COL27A1: variants seen among roughly 807,000 people sequenced by gnomAD.
COL27A1 encodes the protein collagen type XXVII alpha 1 chain, also known as collagen alpha-1(XXVII) chain.
A neutral mutation model predicts 251.3 loss-of-function variants in COL27A1; 106 were observed. That is an observed-to-expected ratio of 0.42 (90% confidence interval 0.36 to 0.50). The LOEUF is 0.50. Ranked by LOEUF, COL27A1 falls within the 20% of genes least tolerant of loss-of-function variation. The probability of loss-of-function intolerance (pLI) is 0.00; values close to 1 mark genes in which losing one functional copy is unlikely to be tolerated. For missense variants in COL27A1, 2,325 were observed against 2,522.8 expected (o/e 0.92, Z 1.68); for synonymous variants, 1,000 against 986.3 (o/e 1.01, Z -0.26).
intron 36 of COL27A1, chr9:114,272,639 C>T (rs752376894): frequency 3.3e-5 from 5 of 152,160 alleles, no homozygotes; most frequent in African/African-American, 4.8e-5. Context: ...TGGTGGTGAC[C>T]AATAATAGTT....
Position 114,225,702 on chromosome 9 carries a change from T to C in COL27A1, c.2466+3435T>C, listed in dbSNP as rs1283670743. Among the ~76,000 whole-genome samples, 4 of 152,252 alleles carry C rather than the reference T, an allele frequency of 2.6e-5. No individual in the cohort carries two copies. In the East Asian group the frequency reaches 7.7e-4, roughly 29 times the overall value. ...TTTAGCTGAGCAAATGGGAATTCCA[T>C]GTATTGATAATCATTTTAGTGGAAA... On this transcript the variant is annotated intron_variant, in intron 14 of 60. Coordinates refer to ENST00000356083, the MANE Select transcript of COL27A1 (RefSeq NM_032888.4).
At chr9:114,300,963 G>C in intron 51 of COL27A1, 109 bp from the exon 52 acceptor site, 1 of 1,095,708 alleles carries the variant, frequency 9.1e-7, no homozygotes, top group Non-Finnish European at 1.3e-6. Flanking sequence ...CGCTTCAGAT[G>C]GTCTCCCTTC....
intron 24 of COL27A1, among the ~76,000 whole-genome samples, chr9:114,248,230 T>G (rs1833279818): frequency 6.6e-6 from 1 of 152,202 alleles, no homozygotes; most frequent in African/African-American, 2.4e-5. Flanking sequence ...TGCCAGGCCC[T>G]GGCCGAGGTG....
chr9:114,301,704 G>A lies in COL27A1; in HGVS notation c.4832G>A (p.Arg1611Gln), dbSNP rs565852420. The change falls in exon 55 of 61, where the codon CGG becomes CAG. Residue 1611 changes from arginine (R) to glutamine (Q), a missense_variant. Physicochemically the swap from Arg to Gln is conservative, Grantham distance 43. Transcript: ENST00000356083. The part of the protein sequence containing the change: ...GPRGPPGPRG[R>Q]PGPPGPPGGP... ...CAGGGTCCTCCCGGCCCCAGAGGGC[G>A]GCCCGGCCCCCCGGTAGGTAACTGA... 1.1e-5 allele frequency: 18 copies of A among 1,611,986 alleles called. No individual in the cohort carries two copies. The highest frequency in any genetic ancestry group is 5.5e-5 in the South Asian group (5 of 90,858).
At chr9:114,265,281 C>T in intron 31 of COL27A1, 141 bp from the exon 32 acceptor site, 2 of 1,095,010 alleles carry the variant, frequency 1.8e-6, no homozygotes, top group Admixed American at 2.1e-5. Flanking sequence ...CACATCCTCT[C>T]TTCTCTGGGT....
intron 56 of COL27A1, 67 bp from the exon 57 acceptor site, chr9:114,304,541 C>A (rs761309808): frequency 1.4e-6 from 2 of 1,458,850 alleles, no homozygotes; most frequent in Admixed American, 3.3e-5. Context: ...GGCCCTGGGG[C>A]TCCCACTTGA....
chr9:114,306,355 C>A, intron 57 of COL27A1, 165 bp from the exon 58 acceptor site: 1 of 635,362 alleles, frequency 1.6e-6, no homozygotes, highest in Non-Finnish European at 2.7e-6. Context: ...TTGTCCCTGG[C>A]CCGTTTTCTT....
intron 5 of COL27A1, among the ~76,000 whole-genome samples, chr9:114,188,265 T>C (rs1052005637): frequency 3.3e-5 from 5 of 152,198 alleles, no homozygotes; most frequent in Non-Finnish European, 7.3e-5. Context: ...AACTTCCAGG[T>C]CATCAGGTCA....
Position 114,300,023 on chromosome 9 carries a change from G to A in COL27A1, c.4585-47G>A, listed in dbSNP as rs183940259. ...AGGTCCCAGGTGGCTGGCGGGACACGCTGACCATGAGCTCACTCGCTCCAT... is the reference window on the plus strand; with the variant it reads ...AGGTCCCAGGTGGCTGGCGGGACACACTGACCATGAGCTCACTCGCTCCAT... On this transcript the variant is annotated intron_variant, in intron 49 of 60. Coordinates refer to ENST00000356083, the MANE Select transcript of COL27A1 (RefSeq NM_032888.4). 1.1e-4 allele frequency: 173 copies of A among 1,603,230 alleles called. 1 individual carries two copies. The African/African-American group carries it at 2.0e-3, about 18-fold the overall frequency.
chr9:114,263,673 A>G (rs976545010), intron 28 of COL27A1, among the ~76,000 whole-genome samples: 5 of 151,868 alleles, frequency 3.3e-5, no homozygotes, highest in African/African-American at 7.3e-5. Flanking sequence ...GGTGGACTCC[A>G]CCTGCCCCTG....
chr9:114,309,993 G>A (rs540303815), intron 60 of COL27A1, among the ~76,000 whole-genome samples: 1 of 152,288 alleles, frequency 6.6e-6, no homozygotes, highest in African/African-American at 2.4e-5. Flanking sequence ...AAATAAATTG[G>A]TAGAGGCTTT....
chr9:114,233,973 G>T (rs1389684286), intron 16 of COL27A1, among the ~76,000 whole-genome samples: 1 of 151,940 alleles, frequency 6.6e-6, no homozygotes, highest in African/African-American at 2.4e-5. Flanking sequence ...ATCCCTTCAC[G>T]TTCCAAGGTT....
At chr9:114,241,062 A>C (rs1832721938) in intron 21 of COL27A1, among the ~76,000 whole-genome samples, 1 of 152,206 alleles carries the variant, frequency 6.6e-6, no homozygotes, top group Non-Finnish European at 1.5e-5. Flanking sequence ...AATGACTTGC[A>C]CAATTAGTTA....
chr9:114,267,735 C>G (rs1326137744), intron 34 of COL27A1, among the ~76,000 whole-genome samples, 178 bp downstream of exon 34: 1 of 152,174 alleles, frequency 6.6e-6, no homozygotes, highest in Non-Finnish European at 1.5e-5. Flanking sequence ...GAGCCCCCAC[C>G]AGTGCCCTCT....
At position 114,231,145 on chromosome 9, in the gene COL27A1, T is replaced by A. The variant is rs974885341; in HGVS notation, c.2520+13T>A. 9 of 1,613,112 alleles carry A rather than the reference T, an allele frequency of 5.6e-6. No homozygotes were observed. Among genetic ancestry groups the A allele is most frequent in the South Asian group, 1.1e-5 (1 of 90,718 alleles). On this transcript the variant is annotated intron_variant, in intron 15 of 60. Coordinates refer to ENST00000356083, the MANE Select transcript of COL27A1 (RefSeq NM_032888.4). Reference sequence around the variant, plus strand: ...CAAGGGCATGAAGGTAAGCAAGGGATGTTCCCCCGATTCAGGCCTTGTCCA... The same window carrying A: ...CAAGGGCATGAAGGTAAGCAAGGGAAGTTCCCCCGATTCAGGCCTTGTCCA...
At chr9:114,239,795 A>G (rs1832629661) in intron 19 of COL27A1, among the ~76,000 whole-genome samples, 1 of 152,216 alleles carries the variant, frequency 6.6e-6, no homozygotes, top group South Asian at 2.1e-4. Flanking sequence ...CAATGCTTTC[A>G]AAGTCACAGC....
intron 12 of COL27A1, among the ~76,000 whole-genome samples, chr9:114,215,242 T>C (rs898957442): frequency 1.3e-5 from 2 of 152,258 alleles, no homozygotes; most frequent in African/African-American, 4.8e-5. Context: ...ACAGTGCATT[T>C]GGGCTTCAAG....
Position 114,290,128 on chromosome 9 carries a change from G to A in COL27A1, c.4260+17G>A, listed in dbSNP as rs1450861049. 1 of 1,611,328 alleles carries A rather than the reference G, an allele frequency of 6.2e-7. No homozygotes were observed. On this transcript the variant is annotated intron_variant, in intron 46 of 60. Transcript: ENST00000356083. The surrounding 1 kb of genome is among the most constrained non-coding windows in gnomAD (Gnocchi z 4.6). ...GGGGTCCAGGTGAGTGACTACAGCT[G>A]CTGTTTCCAGCCAACCTCCCTGCCC...
At chr9:114,279,182 G>A (rs1317773493) in intron 37 of COL27A1, among the ~76,000 whole-genome samples, 1 of 152,156 alleles carries the variant, frequency 6.6e-6, no homozygotes, top group African/African-American at 2.4e-5. Context: ...GCCTGACCAA[G>A]ACCAGCCTGG....
Sources: allele counts gnomAD v4.1 joint callset (sites outside exome capture counted in the v4.1 genomes callset), GRCh38; gene constraint gnomAD v4.1.1; non-coding constraint Gnocchi (gnomAD v3.1); transcripts MANE v1.5; gene names NCBI Gene and HGNC (gene_info 2026-07-23, HGNC 2026-07-21).